Variants in COL18A1 observed in about 807,000 individuals in gnomAD.
COL18A1 encodes the protein collagen alpha-1(XVIII) chain.
A neutral mutation model predicts 168.0 loss-of-function variants in COL18A1; 133 were observed. That is an observed-to-expected ratio of 0.79 (90% CI 0.69 to 0.91). COL18A1 has a LOEUF of 0.91. COL18A1 is among the 40% of genes least tolerant of loss of function. The pLI is 0.00. For synonymous variants in COL18A1, 949 were observed against 809.0 expected, an observed-to-expected ratio of 1.17 and a Z score of -2.94; for missense variants, 2,126 against 1,925.4, an observed-to-expected ratio of 1.10 and a Z score of -1.95.
rs8128268 is a variant in COL18A1 at position 45,473,096 on chromosome 21, C to A, written c.652-799C>A. ...CTGTGCGCAGCCCCCACCTGGCAGC[C>A]CCTTTTCCTGTCAAAGCCCCTCCCA... On this transcript the variant is annotated intron_variant, in intron 3 of 41. Transcript: ENST00000651438. The surrounding 1 kb of genome is among the most constrained non-coding windows in gnomAD (Gnocchi z 4.0). Among the ~76,000 whole-genome samples, 32,796 of 152,226 alleles carry A rather than the reference C, an allele frequency of 0.22. 4,812 individuals carry two copies. The highest frequency in any genetic ancestry group is 0.41 in the African/African-American group (17,100 of 41,518).
intron 2 of COL18A1, among the ~76,000 whole-genome samples, chr21:45,448,996 G>A (rs1159596020): frequency 2.0e-5 from 3 of 152,238 alleles, no homozygotes; most frequent in Admixed American, 1.3e-4. Flanking sequence ...AGCCATGGCA[G>A]GGGACTGTGT....
chr21:45,474,986 C>G (rs2035593348), intron 4 of COL18A1, among the ~76,000 whole-genome samples: 1 of 152,188 alleles, frequency 6.6e-6, no homozygotes, highest in East Asian at 1.9e-4. Flanking sequence ...AGGCGCCGCA[C>G]CCCTCCCCTG....
intron 39 of COL18A1, among the ~76,000 whole-genome samples, 190 bp from the exon 40 acceptor site, chr21:45,509,874 G>A (rs1037457545): frequency 2.0e-4 from 30 of 152,194 alleles, no homozygotes; most frequent in Admixed American, 4.6e-4. Flanking sequence ...CACGTGGCCC[G>A]GGGCTGCTCT....
chr21:45,496,601 C>T (rs1372234962), intron 30 of COL18A1, 33 bp downstream of exon 30: 17 of 1,028,674 alleles, frequency 1.7e-5, no homozygotes, highest in Non-Finnish European at 2.4e-5. Context: ...GTCCTACAGC[C>T]ACCCTTGGCT....
chr21:45,473,409 G>A lies in COL18A1; in HGVS notation c.652-486G>A, dbSNP rs974343591. 6.6e-6 allele frequency among the ~76,000 whole-genome samples: 1 copy of A among 152,214 alleles called. No homozygotes were observed. Among genetic ancestry groups the A allele is most frequent in the Admixed American group, 6.5e-5 (1 of 15,290 alleles). On this transcript the variant is annotated intron_variant, in intron 3 of 41. Coordinates refer to ENST00000651438, the MANE Select transcript of COL18A1 (RefSeq NM_001379500.1). This position sits in a 1 kb window ranked among gnomAD's most constrained non-coding sequence, Gnocchi z 4.0. ...TTTCTGTCCTTGGCTTCTGGGTTTT[G>A]TTTTTGATGAAAAGGTGAAGTTCAA...
intron 11 of COL18A1, 105 bp from the exon 12 acceptor site, chr21:45,480,362 C>A: frequency 1.9e-6 from 3 of 1,602,622 alleles, no homozygotes; most frequent in Non-Finnish European, 2.6e-6. Flanking sequence ...TTTCTCAGCT[C>A]CTTGTAGAAA....
At chr21:45,450,746 G>A (rs557337716) in intron 2 of COL18A1, among the ~76,000 whole-genome samples, 2 of 152,252 alleles carry the variant, frequency 1.3e-5, no homozygotes, top group East Asian at 1.9e-4. Flanking sequence ...GGTCTCCCTC[G>A]TCCTCTGAAA....
chr21:45,453,335 C>G (rs1305995543), intron 2 of COL18A1, among the ~76,000 whole-genome samples: 1 of 152,190 alleles, frequency 6.6e-6, no homozygotes, highest in Non-Finnish European at 1.5e-5. Context: ...TATGGCATAG[C>G]TAAGCATGCA....
At chr21:45,476,620 T>C (rs1056498040) in intron 6 of COL18A1, 140 bp downstream of exon 6, 3 of 1,091,884 alleles carry the variant, frequency 2.7e-6, no homozygotes, top group Non-Finnish European at 4.1e-6. Context: ...GTGTGTGATA[T>C]GGCACGTGTT....
intron 2 of COL18A1, among the ~76,000 whole-genome samples, chr21:45,450,944 C>G (rs546664063): frequency 1.2e-3 from 186 of 152,362 alleles, no homozygotes; most frequent in Admixed American, 2.4e-3. Context: ...GGACAGCACC[C>G]CCGGGTCCAC....
rs1157094880 is a variant in COL18A1, at chr21:45,443,414, G to A, written c.107-24828G>A. Among the ~76,000 whole-genome samples the A allele has an allele frequency of 6.6e-6, 1 of 152,124 alleles. No individual in the cohort carries two copies. Among genetic ancestry groups the A allele is most frequent in the Non-Finnish European group, 1.5e-5 (1 of 68,006 alleles). On this transcript the variant is annotated intron_variant, in intron 2 of 41. Coordinates refer to ENST00000651438, the MANE Select transcript of COL18A1 (RefSeq NM_001379500.1). This position sits in a 1 kb window ranked among gnomAD's most constrained non-coding sequence, Gnocchi z 5.2. ...TGGGCCTTCACCAGCTTGAAAGGCCGCCCGTGCCTTTCCTCCTTGGCCCTC... is the reference window on the plus strand; with the variant it reads ...TGGGCCTTCACCAGCTTGAAAGGCCACCCGTGCCTTTCCTCCTTGGCCCTC...
chr21:45,505,226 CGGCCCCCCA>C lies in COL18A1; in HGVS notation c.2973_2981del (p.Gly994_Pro996del), dbSNP rs759403198. 1.0e-3 allele frequency: 1,632 copies of C among 1,579,462 alleles called. 3 individuals are homozygous for C. Among genetic ancestry groups the C allele is most frequent in the Middle Eastern group, 2.0e-3 (12 of 5,908 alleles). ...GCTACGAGGGGCGCCAGGGCCCTCC[CGGCCCCCCA>C]GGCCCCCCAGGGCCCCCTTCATTTC... On this transcript the variant is annotated inframe_deletion, in exon 35 of 42. Transcript: ENST00000651438.
rs372312684 is a variant in COL18A1 at position 45,497,068 on chromosome 21, C to T, written c.2596C>T (p.Arg866Cys). 87 of 1,601,756 alleles carry T rather than the reference C, an allele frequency of 5.4e-5. No homozygotes were observed. The highest frequency in any genetic ancestry group is 2.5e-4 in the East Asian group (11 of 44,858). The change falls in exon 31 of 42, where the codon CGC (arginine) becomes TGC (cysteine). Residue 866 changes from arginine to cysteine, a missense_variant. Physicochemically the swap from Arg to Cys is radical, Grantham distance 180 (BLOSUM62 -3). Transcript: ENST00000651438. The part of the protein sequence containing the change: ...YDSNVFAESS[R>C]PGPPGLPGNQ... ...CTTGCAGGTGTTTGCTGAGTCCAGC[C>T]GCCCCGGGCCTCCAGGATTGCCAGG...
chr21:45,485,950 G>T (rs536177489), intron 15 of COL18A1, among the ~76,000 whole-genome samples: 1 of 152,210 alleles, frequency 6.6e-6, no homozygotes, highest in African/African-American at 2.4e-5. Flanking sequence ...GGGCCTCTCC[G>T]TCTACAGCCA....
At chr21:45,504,660 G>A in intron 34 of COL18A1, 104 bp downstream of exon 34, 5 of 982,774 alleles carry the variant, frequency 5.1e-6, no homozygotes, top group Non-Finnish European at 4.6e-6. Flanking sequence ...GGCCGGAGCT[G>A]CCCCTGCAAG....
chr21:45,491,356 C>T lies in COL18A1; in HGVS notation c.2157+42C>T, dbSNP rs752122687. ...GGTGGGCACCCAATCTGTCCAGACCCCCCACGGGGTGCAGAGATCCCTCCC... is the reference window on the plus strand; with the variant it reads ...GGTGGGCACCCAATCTGTCCAGACCTCCCACGGGGTGCAGAGATCCCTCCC... On this transcript the variant is annotated intron_variant, in intron 22 of 41. Transcript: ENST00000651438. 5.1e-5 allele frequency: 67 copies of T among 1,317,254 alleles called. No homozygotes were observed. The Middle Eastern group carries it at 6.4e-4, about 13-fold the overall frequency. 81.6% of individuals were successfully genotyped at this position (1,317,254 alleles called of 1,614,324 possible). A position where few individuals can be genotyped will look rare whatever the true frequency, so the allele number is the denominator to read the frequency against.
intron 32 of COL18A1, among the ~76,000 whole-genome samples, chr21:45,499,252 C>G (rs1307114262): frequency 1.3e-5 from 2 of 151,422 alleles, no homozygotes; most frequent in Non-Finnish European, 2.9e-5. Flanking sequence ...CAGACCCGAG[C>G]TGTGTCGGCA....
At chr21:45,437,310 GCA>G (rs1442123047) in intron 2 of COL18A1, among the ~76,000 whole-genome samples, 2 of 58,360 alleles carry the variant, frequency 3.4e-5, no homozygotes, top group African/African-American at 1.8e-4. Flanking sequence ...ACTCACACAG[GCA>G]CTCTCCTGCA....
chr21:45,442,819 G>A (rs1391933584), intron 2 of COL18A1, among the ~76,000 whole-genome samples: 1 of 142,654 alleles, frequency 7.0e-6, no homozygotes, highest in Admixed American at 6.9e-5. Flanking sequence ...GTGGGCGGAG[G>A]TCCTGGTGTG....
Sources: gnomAD v4.1 joint callset for allele counts (sites outside exome capture counted in the v4.1 genomes callset) on GRCh38, gnomAD v4.1.1 for gene constraint, Gnocchi (gnomAD v3.1) non-coding constraint, MANE v1.5 for transcripts, NCBI Gene and HGNC (gene_info 2026-07-23, HGNC 2026-07-21) for gene names.